The following GPX5 variants were observed in gnomAD, a reference collection of about 807,000 sequenced individuals.
The protein encoded by GPX5 is glutathione peroxidase 5.
GPX5 carries 20 observed loss-of-function variants against 23.8 expected under a neutral mutation model. The observed-to-expected ratio is 0.84, with a 90% confidence interval of 0.59 to 1.22. The LOEUF is 1.22. GPX5 is among the 50% of genes most tolerant of loss of function. The pLI, the probability that GPX5 is intolerant of heterozygous loss-of-function variation, is 0.00. For missense variants in GPX5, 230 were observed against 266.6 expected (o/e 0.86, Z 0.96); for synonymous variants, 92 against 99.5 (o/e 0.92, Z 0.45).
chr6:28,527,464 A>G (rs1427463166), intron 1 of GPX5, among the ~76,000 whole-genome samples: 3 of 152,200 alleles, frequency 2.0e-5, no homozygotes, highest in Non-Finnish European at 4.4e-5. Flanking sequence ...ACAACCTAGT[A>G]TGCTGGTGAT....
chr6:28,528,846 TA>T, intron 1 of GPX5, among the ~76,000 whole-genome samples: 1 of 10,944 alleles, frequency 9.1e-5, no homozygotes, highest in South Asian at 3.0e-3. Flanking sequence ...TATATATATA[TA>T]TATATATATA....
chr6:28,528,895 T>C (rs1010884109), intron 1 of GPX5, among the ~76,000 whole-genome samples: 1 of 140,430 alleles, frequency 7.1e-6, no homozygotes, highest in Non-Finnish European at 1.5e-5. Flanking sequence ...CAAGAGATGT[T>C]TTGATACAGA....
chr6:28,530,031 T>A, intron 2 of GPX5: 1 of 155,208 alleles, frequency 6.4e-6, no homozygotes, highest in Non-Finnish European at 1.4e-5. Context: ...AATATATACT[T>A]GAGAACTAGG....
Position 28,532,398 on chromosome 6 carries a change from A to T in GPX5, c.437A>T (p.Gln146Leu), listed in dbSNP as rs1763345153. 6.3e-7 allele frequency: 1 copy of T among 1,591,208 alleles called. No homozygotes were observed. Among genetic ancestry groups the T allele is most frequent in the South Asian group, 1.2e-5 (1 of 86,664 alleles). The change falls in exon 4 of 5, where the codon CAG (glutamine) becomes CTG (leucine). Residue 146 changes from glutamine to leucine, a missense_variant. Physicochemically the swap from Gln to Leu is moderately radical, Grantham distance 113 (BLOSUM62 -2). Coordinates refer to ENST00000412168, the MANE Select transcript of GPX5 (RefSeq NM_001509.3). ...GGGGATGTGAATGGTGAAAAAGAAC[A>T]GAAAGTCTTCAGTTTCTTGAAGGTG... The part of the protein sequence containing the change: ...EKGDVNGEKE[Q>L]KVFSFLKHSC...
At chr6:28,530,719 G>T (rs1394781916) in intron 2 of GPX5, among the ~76,000 whole-genome samples, 1 of 152,144 alleles carries the variant, frequency 6.6e-6, no homozygotes, top group Admixed American at 6.5e-5. Context: ...GGGACTTTAA[G>T]AATCGATTTA....
chr6:28,533,440 C>T (rs1360513833), intron 4 of GPX5, among the ~76,000 whole-genome samples: 2 of 152,274 alleles, frequency 1.3e-5, no homozygotes, highest in South Asian at 2.1e-4. Context: ...AAACTCAACT[C>T]GTCTAACTTA....
At chr6:28,531,202 C>T (rs1195084090) in intron 2 of GPX5, among the ~76,000 whole-genome samples, 1 of 132,920 alleles carries the variant, frequency 7.5e-6, no homozygotes, top group Non-Finnish European at 1.7e-5. Context: ...AACCCCGTCT[C>T]TACTAAAAAT....
chr6:28,531,385 AAAAAAAAAGAAAAG>A (rs1310441810), intron 2 of GPX5, among the ~76,000 whole-genome samples: 369 of 132,082 alleles, frequency 2.8e-3, no homozygotes, highest in South Asian at 5.1e-3. Flanking sequence ...AAAAAAAAAA[AAAAAAAAAGAAAAG>A]AAAAGAAAAG....
chr6:28,533,900 T>C (rs1763373097), intron 4 of GPX5, 61 bp from the exon 5 acceptor site: 3 of 1,137,340 alleles, frequency 2.6e-6, no homozygotes, highest in Non-Finnish European at 3.7e-6. Flanking sequence ...TGGGTAAAAA[T>C]AGCCTGGATC....
Position 28,531,850 on chromosome 6 carries a change from G to T in GPX5, c.314G>T (p.Gly105Val), listed in dbSNP as rs763624157. ...VVLGFPCNQF[G>V]KQEPGDNKEI... Reference sequence around the variant, plus strand: ...TTGGGCTTTCCCTGCAACCAATTTGGAAAGCAAGAACCAGGAGATAACAAA... The same window carrying T: ...TTGGGCTTTCCCTGCAACCAATTTGTAAAGCAAGAACCAGGAGATAACAAA... The change falls in exon 3 of 5, where the codon GGA becomes GTA. Residue 105 changes from glycine to valine, a missense_variant. Coordinates refer to ENST00000412168, the MANE Select transcript of GPX5 (RefSeq NM_001509.3). 1.9e-5 allele frequency: 31 copies of T among 1,613,818 alleles called. No individual in the cohort carries two copies. In the East Asian group the frequency reaches 6.9e-4, roughly 36 times the overall value.
intron 1 of GPX5, chr6:28,527,629 T>C (rs1178241474): frequency 6.6e-6 from 1 of 152,252 alleles, no homozygotes; most frequent in Non-Finnish European, 1.5e-5. Flanking sequence ...CTAGTTTGTC[T>C]GGACATTCCT....
intron 1 of GPX5, chr6:28,527,839 G>A (rs559022452): frequency 2.0e-5 from 3 of 152,158 alleles, no homozygotes; most frequent in Non-Finnish European, 4.4e-5. Flanking sequence ...GTACACTTGG[G>A]GTACTGCATG....
intron 2 of GPX5, among the ~76,000 whole-genome samples, chr6:28,531,212 T>C (rs572424566): frequency 1.3e-5 from 2 of 151,364 alleles, no homozygotes; most frequent in Non-Finnish European, 3.0e-5. Flanking sequence ...CTACTAAAAA[T>C]ACAGAAATAT....
chr6:28,529,518 AAT>A lies in GPX5; in HGVS notation c.158_159del (p.Tyr53CysfsTer28), dbSNP rs1562009554. 3 of 1,613,620 alleles carry A rather than the reference AAT, an allele frequency of 1.9e-6. No homozygotes were observed. Among genetic ancestry groups the A allele is most frequent in the South Asian group, 1.1e-5 (1 of 91,024 alleles). Reference sequence around the variant, plus strand: ...GAGGCCATCGCACTTAATAAGAATGAATATGTTTCCTTCAAGCAGTATGTGGG... The same window carrying A: ...GAGGCCATCGCACTTAATAAGAATGAATGTTTCCTTCAAGCAGTATGTGGG... On this transcript the variant is annotated frameshift_variant, in exon 2 of 5. Transcript: ENST00000412168. LOFTEE classifies it high-confidence loss of function.
At chr6:28,529,218 C>G (rs556280260) in intron 1 of GPX5, among the ~76,000 whole-genome samples, 3 of 152,132 alleles carry the variant, frequency 2.0e-5, no homozygotes, top group Non-Finnish European at 4.4e-5. Flanking sequence ...TTAGATCCCA[C>G]AAATAAGTGA....
intron 1 of GPX5, chr6:28,528,068 C>T (rs1763241081): frequency 6.6e-6 from 1 of 152,138 alleles, no homozygotes. Context: ...ATATTAGACA[C>T]CTAGAGCACA....
chr6:28,532,116 G>A (rs896868456), intron 3 of GPX5, among the ~76,000 whole-genome samples: 1 of 152,034 alleles, frequency 6.6e-6, no homozygotes, highest in African/African-American at 2.4e-5. Context: ...AGGACAGAAG[G>A]GATGGAGGAA....
chr6:28,527,635 T>C (rs1763235161), intron 1 of GPX5: 1 of 152,272 alleles, frequency 6.6e-6, no homozygotes, highest in African/African-American at 2.4e-5. Flanking sequence ...TGTCTGGACA[T>C]TCCTTATCAA....
In GPX5 at chr6:28,526,009, T is replaced by C. The variant is rs2113625851; in HGVS notation, c.-5T>C. 6.2e-7 allele frequency: 1 copy of C among 1,608,498 alleles called. No homozygotes were observed. Among genetic ancestry groups the C allele is most frequent in the African/African-American group, 1.3e-5 (1 of 74,874 alleles). ...CCCCAGACTAGCAATCTACAAACAC[T>C]AGTCATGACTACACAGTTAAGGGTC... On this transcript the variant is annotated 5_prime_UTR_variant, in exon 1 of 5. Coordinates refer to ENST00000412168, the MANE Select transcript of GPX5 (RefSeq NM_001509.3).
Sources: allele counts gnomAD v4.1 joint callset (sites outside exome capture counted in the v4.1 genomes callset), GRCh38; gene constraint gnomAD v4.1.1; transcripts MANE v1.5; gene names NCBI Gene and HGNC (gene_info 2026-07-23, HGNC 2026-07-21).